DMD: variants seen among roughly 807,000 people sequenced by gnomAD.
DMD encodes the protein dystrophin.
In DMD, 63 loss-of-function variants were observed where a neutral mutation model predicts 330.1. That is an observed-to-expected ratio of 0.19 (90% CI 0.16 to 0.24). The LOEUF is 0.24. DMD is among the 10% of genes least tolerant of loss of function. The pLI is 1.00. For missense variants in DMD, 3,344 were observed against 2,684.1 expected (o/e 1.25, Z -5.43); for synonymous variants, 1,223 against 959.8 (o/e 1.27, Z -5.07).
At chrX:32,215,951 T>C (rs2097110829) in intron 44 of DMD, among the ~76,000 whole-genome samples, 1 of 112,345 alleles carries the variant, frequency 8.9e-6, no homozygotes, top group Non-Finnish European at 1.9e-5. Context: ...CTTAACTCCT[T>C]AATATTAAAG....
chrX:32,116,526 G>T (rs764304438), intron 44 of DMD, among the ~76,000 whole-genome samples: 1 of 110,778 alleles, frequency 9.0e-6, no homozygotes, highest in East Asian at 2.9e-4. Context: ...TGAACACATT[G>T]AAGAGATCTA....
chrX:32,231,247 AT>A (rs1173508568), intron 43 of DMD, among the ~76,000 whole-genome samples: 11 of 112,755 alleles, frequency 9.8e-5, no homozygotes, highest in African/African-American at 3.5e-4. Context: ...TGAAAAAGCC[AT>A]TTTATTTTAA....
intron 1 of DMD, among the ~76,000 whole-genome samples, chrX:33,260,754 C>T (rs1325364781): frequency 9.0e-6 from 1 of 111,382 alleles, no homozygotes. Context: ...TCACTTTATA[C>T]AATTATATAT....
rs925151723 is a variant in DMD, at chrX:33,182,997, G to A, written c.31+28285C>T. Among the ~76,000 whole-genome samples, 4 of 111,814 alleles carry A rather than the reference G, an allele frequency of 3.6e-5. No homozygotes were observed. In the Admixed American group the frequency reaches 3.8e-4, roughly 11 times the overall value. Reference sequence around the variant, plus strand: ...TGCAACGCAAATTCTAGTTTAAAGCGGAATATCCTGTAATCTAATAAATAT... The same window carrying A: ...TGCAACGCAAATTCTAGTTTAAAGCAGAATATCCTGTAATCTAATAAATAT... On this transcript the variant is annotated intron_variant, in intron 1 of 78. Transcript: ENST00000357033.
intron 13 of DMD, among the ~76,000 whole-genome samples, chrX:32,585,251 G>C (rs2054100031): frequency 9.0e-6 from 1 of 111,396 alleles, no homozygotes; most frequent in South Asian, 3.7e-4. Flanking sequence ...GAAGGAATAA[G>C]TTCTAATGTT....
intron 63 of DMD, among the ~76,000 whole-genome samples, chrX:31,241,495 T>C (rs1257708189): frequency 4.5e-5 from 5 of 112,169 alleles, no homozygotes; most frequent in Non-Finnish European, 9.4e-5. Flanking sequence ...AGTATGTAAT[T>C]CAATCAAATT....
chrX:32,231,245 C>T (rs751250447), intron 43 of DMD, among the ~76,000 whole-genome samples: 2 of 112,205 alleles, frequency 1.8e-5, no homozygotes, highest in Admixed American at 9.5e-5. Context: ...GATGAAAAAG[C>T]CATTTTATTT....
rs1205052509 is a variant in DMD, at chrX:31,449,779, T to TAG, written c.8938-5153_8938-5152insCT. Among the ~76,000 whole-genome samples the TAG allele has an allele frequency of 3.7e-3, 332 of 90,411 alleles. 10 individuals carry two copies. The East Asian group carries it at 0.045, about 12-fold the overall frequency. 78.5% of individuals were successfully genotyped at this position (90,411 alleles called of 115,157 possible). Reference sequence around the variant, plus strand: ...AAATGGTGTGATATATATATATATATATATATATATATATATATAGATAGA... The same window carrying TAG: ...AAATGGTGTGATATATATATATATATAGATATATATATATATATATAGATAGA... On this transcript the variant is annotated intron_variant, in intron 59 of 78. Transcript: ENST00000357033.
chrX:32,464,680 T>C lies in DMD; in HGVS notation c.3182A>G (p.Lys1061Arg), dbSNP rs190014284. Residue 1061 changes from lysine (K) to arginine (R), a missense_variant, in exon 24 of 79, where the codon AAG becomes AGG. Coordinates refer to ENST00000357033, the MANE Select transcript of DMD (RefSeq NM_004006.3). ...AACATCAACTTCAGCCATCCATTTCTTCAGGGTTTGTATGTGATTCTGAAA... is the reference window on the plus strand; with the variant it reads ...AACATCAACTTCAGCCATCCATTTCCTCAGGGTTTGTATGTGATTCTGAAA... ...RKIQNHIQTL[K>R]KWMAEVDVFL... The C allele has an allele frequency of 3.0e-5, 36 of 1,203,257 alleles. No individual in the cohort carries two copies. The highest frequency in any genetic ancestry group is 6.7e-6 in the Non-Finnish European group (6 of 889,250).
intron 18 of DMD, among the ~76,000 whole-genome samples, chrX:32,507,952 C>T (rs1455286564): frequency 2.7e-5 from 3 of 110,613 alleles, no homozygotes; most frequent in Non-Finnish European, 3.8e-5. Context: ...TTCAGACATG[C>T]TCTGCTGTTG....
chrX:32,632,439 A>G (rs1345104925), intron 11 of DMD, among the ~76,000 whole-genome samples: 1 of 112,138 alleles, frequency 8.9e-6, no homozygotes, highest in Non-Finnish European at 1.9e-5. Context: ...TTACAGGTCC[A>G]CTAGGCAATG....
At chrX:31,474,215 G>A (rs2067552654) in intron 59 of DMD, among the ~76,000 whole-genome samples, 1 of 111,643 alleles carries the variant, frequency 9.0e-6, no homozygotes, top group South Asian at 3.7e-4. Context: ...CAGGGACTTA[G>A]TCATTGTTGT....
At chrX:32,010,126 A>G (rs2095694943) in intron 44 of DMD, among the ~76,000 whole-genome samples, 1 of 111,959 alleles carries the variant, frequency 8.9e-6, no homozygotes, top group Admixed American at 9.5e-5. Flanking sequence ...CGTTTGGCAC[A>G]GAGCAGAGGC....
chrX:31,790,697 G>A (rs1385682864), intron 50 of DMD, among the ~76,000 whole-genome samples: 5 of 110,530 alleles, frequency 4.5e-5, no homozygotes, highest in Admixed American at 9.7e-5. Flanking sequence ...TGAATAGTTT[G>A]CCCAAAACCC....
intron 17 of DMD, among the ~76,000 whole-genome samples, chrX:32,531,953 T>C (rs2047520857): frequency 9.0e-6 from 1 of 111,368 alleles, no homozygotes; most frequent in Non-Finnish European, 1.9e-5. Context: ...AATGGCAATA[T>C]AAAATAATTT....
At chrX:31,615,105 A>G (rs923030841) in intron 55 of DMD, among the ~76,000 whole-genome samples, 4 of 111,741 alleles carry the variant, frequency 3.6e-5, no homozygotes, top group African/African-American at 1.3e-4. Context: ...TCTGCTCCCA[A>G]AGACCAATAA....
intron 7 of DMD, among the ~76,000 whole-genome samples, chrX:32,713,806 T>C (rs905486987): frequency 7.2e-5 from 8 of 111,767 alleles, no homozygotes; most frequent in Admixed American, 3.8e-4. Context: ...CCTCGACTTA[T>C]GACAGGGTTA....
intron 48 of DMD, among the ~76,000 whole-genome samples, chrX:31,845,927 T>C (rs2093418632): frequency 9.0e-6 from 1 of 111,194 alleles, no homozygotes; most frequent in Non-Finnish European, 1.9e-5. Flanking sequence ...AATACAGGTT[T>C]GGAGGTAAAA....
intron 44 of DMD, among the ~76,000 whole-genome samples, chrX:32,148,169 A>G (rs1007083916): frequency 1.1e-4 from 12 of 110,430 alleles, no homozygotes; most frequent in Middle Eastern, 4.8e-3. Context: ...GAGCCACCGC[A>G]CCCGGCCAAA....
Sources: allele counts gnomAD v4.1 joint callset (sites outside exome capture counted in the v4.1 genomes callset), GRCh38; gene constraint gnomAD v4.1.1; transcripts MANE v1.5; gene names NCBI Gene and HGNC (gene_info 2026-07-23, HGNC 2026-07-21).